ZNF727: variants seen among roughly 807,000 people sequenced by gnomAD.
The protein encoded by ZNF727 is putative zinc finger protein 727.
Under a neutral mutation model 11.5 loss-of-function variants are expected in ZNF727, and 11 were observed. That is an observed-to-expected ratio of 0.95 (90% CI 0.60 to 1.58). The LOEUF is 1.58. ZNF727 is among the 40% of genes most tolerant of loss of function. ZNF727 has a pLI of 0.00. For missense variants in ZNF727, 533 were observed against 581.7 expected, an observed-to-expected ratio of 0.92 and a Z score of 0.86; for synonymous variants, 171 against 196.1, an observed-to-expected ratio of 0.87 and a Z score of 1.07.
rs1311847604 is a variant in ZNF727, at chr7:64,069,494, A to T, written c.131-20A>T. 1.3e-6 allele frequency: 2 copies of T among 1,528,730 alleles called. No individual in the cohort carries two copies. The highest frequency in any genetic ancestry group is 1.4e-5 in the African/African-American group (1 of 72,476). 94.7% of individuals were successfully genotyped at this position (1,528,730 alleles called of 1,614,324 possible). ...AGATTATCCTAGCAAGAGTCATGTT[A>T]TTTTTTTCTAATAAAACAGGTCTTG... is the stretch of plus-strand genomic sequence containing the variant. On this transcript the variant is annotated intron_variant, in intron 2 of 3. Coordinates refer to ENST00000456806, the MANE Select transcript of ZNF727 (RefSeq NM_001159522.3).
In ZNF727 at chr7:64,069,535, A is replaced by G. The variant is rs1248311219; in HGVS notation, c.152A>G (p.Asp51Gly). Residue 51 changes from aspartate to glycine, a missense_variant, in exon 3 of 4, where the codon GAC (aspartate) becomes GGC (glycine). Transcript: ENST00000456806. ...FSLGLAIFKP[D>G]LITYLEQRKE... Reference sequence around the variant, plus strand: ...ACAGGTCTTGCTATCTTTAAGCCAGACTTGATTACCTATCTGGAGCAAAGA... The same window carrying G: ...ACAGGTCTTGCTATCTTTAAGCCAGGCTTGATTACCTATCTGGAGCAAAGA... 8 of 1,558,850 alleles carry G rather than the reference A, an allele frequency of 5.1e-6. No homozygotes were observed. The highest frequency in any genetic ancestry group is 7.0e-6 in the Non-Finnish European group (8 of 1,150,630).
intron 1 of ZNF727, among the ~76,000 whole-genome samples, chr7:64,051,514 G>A (rs981728001): frequency 1.3e-5 from 2 of 152,092 alleles, no homozygotes; most frequent in African/African-American, 4.8e-5. Flanking sequence ...TACTCCAAAA[G>A]ATCAAGAGTA....
intron 1 of ZNF727, among the ~76,000 whole-genome samples, chr7:64,055,196 A>G (rs1584143002): frequency 6.6e-6 from 1 of 152,132 alleles, no homozygotes; most frequent in Non-Finnish European, 1.5e-5. Context: ...AGGTTCGCGG[A>G]TCACAAGGTC....
At chr7:64,052,505 G>C (rs1210723574) in intron 1 of ZNF727, among the ~76,000 whole-genome samples, 4 of 151,980 alleles carry the variant, frequency 2.6e-5, no homozygotes, top group South Asian at 2.1e-4. Context: ...ATGCAGGGGT[G>C]TGGCCCTCCT....
intron 1 of ZNF727, among the ~76,000 whole-genome samples, chr7:64,051,814 C>T (rs1789602371): frequency 6.6e-6 from 1 of 152,082 alleles, no homozygotes; most frequent in Non-Finnish European, 1.5e-5. Flanking sequence ...AGAATTTAGC[C>T]AGGCAAAACA....
chr7:64,067,550 T>G (rs1242514022), intron 1 of ZNF727, among the ~76,000 whole-genome samples: 1 of 152,134 alleles, frequency 6.6e-6, no homozygotes, highest in Non-Finnish European at 1.5e-5. Flanking sequence ...TGGAATACTA[T>G]GCAGCCATAA....
intron 1 of ZNF727, among the ~76,000 whole-genome samples, chr7:64,049,262 C>T (rs898040482): frequency 3.3e-5 from 5 of 151,784 alleles, no homozygotes; most frequent in African/African-American, 1.2e-4. Flanking sequence ...TTTCTTTATT[C>T]TCTTTCTCCA....
At chr7:64,075,535 C>G (rs1180238171) in intron 3 of ZNF727, among the ~76,000 whole-genome samples, 5 of 151,888 alleles carry the variant, frequency 3.3e-5, no homozygotes, top group Non-Finnish European at 7.4e-5. Context: ...GGTGCCTATA[C>G]ACTATGAAAT....
chr7:64,048,410 A>G (rs781239837), intron 1 of ZNF727, among the ~76,000 whole-genome samples: 5 of 152,196 alleles, frequency 3.3e-5, no homozygotes, highest in South Asian at 2.1e-4. Context: ...TGTCTGTCTC[A>G]TGATGGTTGC....
In ZNF727 at chr7:64,085,060, A is replaced by G. The variant is rs1405703205; in HGVS notation, c.*6511A>G. ...TTTGTCTGTTTTCTTGTTGTTCACC[A>G]TAGGCATAATATATCATTTTCTTGT... is the stretch of plus-strand genomic sequence containing the variant. On this transcript the variant is annotated 3_prime_UTR_variant, in exon 4 of 4. Transcript: ENST00000456806. 6.6e-6 allele frequency among the ~76,000 whole-genome samples: 1 copy of G among 152,158 alleles called. No homozygotes were observed. Among genetic ancestry groups the G allele is most frequent in the Non-Finnish European group, 1.5e-5 (1 of 68,006 alleles).
rs1318748519 is a variant in ZNF727 at position 64,081,036 on chromosome 7, C to T, written c.*2487C>T. Among the ~76,000 whole-genome samples, 2 of 151,782 alleles carry T rather than the reference C, an allele frequency of 1.3e-5. No individual in the cohort carries two copies. Among genetic ancestry groups the T allele is most frequent in the Non-Finnish European group, 2.9e-5 (2 of 67,966 alleles). ...TGAGCCCCAACTGTGTTCTGTGGCT[C>T]CTTGTGATTTGGAGTCTGCCACTCT... On this transcript the variant is annotated 3_prime_UTR_variant, in exon 4 of 4. Transcript: ENST00000456806.
At chr7:64,051,605 C>T (rs1218733503) in intron 1 of ZNF727, among the ~76,000 whole-genome samples, 2 of 152,100 alleles carry the variant, frequency 1.3e-5, no homozygotes, top group African/African-American at 4.8e-5. Flanking sequence ...GAGATATTCA[C>T]TGAAATAAAA....
chr7:64,079,053 A>G lies in ZNF727; in HGVS notation c.*504A>G, dbSNP rs1244315779. On this transcript the variant is annotated 3_prime_UTR_variant, in exon 4 of 4. Transcript: ENST00000456806. ...ATCCTTATTAACCACAAGAGAATTC[A>G]TATGGAAGAGGGACCTTACAAATGC... Among the ~76,000 whole-genome samples, 1 of 152,182 alleles carries G rather than the reference A, an allele frequency of 6.6e-6. No individual in the cohort carries two copies.
chr7:64,074,035 T>G (rs1790004065), intron 3 of ZNF727, among the ~76,000 whole-genome samples: 1 of 152,280 alleles, frequency 6.6e-6, no homozygotes, highest in African/African-American at 2.4e-5. Flanking sequence ...TGTGCTTTAC[T>G]TAGCCTAATT....
Position 64,079,789 on chromosome 7 carries a change from G to A in ZNF727, c.*1240G>A, listed in dbSNP as rs1444719857. On this transcript the variant is annotated 3_prime_UTR_variant, in exon 4 of 4. Transcript: ENST00000456806. The stretch of plus-strand genomic sequence containing the variant: ...GTGTACTTTAGTGTGTTTTTGTAGT[G>A]ACTGTTTATAGTCTTTTTCTTATTT... Among the ~76,000 whole-genome samples, 1 of 152,144 alleles carries A rather than the reference G, an allele frequency of 6.6e-6. No individual in the cohort carries two copies. Among genetic ancestry groups the A allele is most frequent in the African/African-American group, 2.4e-5 (1 of 41,434 alleles).
intron 1 of ZNF727, among the ~76,000 whole-genome samples, chr7:64,051,949 G>T (rs1332201478): frequency 6.6e-6 from 1 of 152,164 alleles, no homozygotes; most frequent in Non-Finnish European, 1.5e-5. Flanking sequence ...GTCATCTGAA[G>T]TCATGTCGGT....
intron 1 of ZNF727, among the ~76,000 whole-genome samples, chr7:64,054,389 A>G (rs1789650397): frequency 1.3e-5 from 2 of 152,298 alleles, no homozygotes; most frequent in Admixed American, 6.5e-5. Context: ...ACGATATGCT[A>G]TGACCAAGGC....
At position 64,053,808 on chromosome 7, in the gene ZNF727, T is replaced by A. The variant is rs141418846; in HGVS notation, c.3+8184T>A. 8.5e-5 allele frequency among the ~76,000 whole-genome samples: 13 copies of A among 152,318 alleles called. No homozygotes were observed. The East Asian group carries it at 2.3e-3, about 27-fold the overall frequency. ...TGTAAATTGCCCAGTCTCAGGTATG[T>A]CTTTACCCGCAGCATGAAAACACAC... On this transcript the variant is annotated intron_variant, in intron 1 of 3. Transcript: ENST00000456806.
chr7:64,078,023 C>T lies in ZNF727; in HGVS notation c.974C>T (p.Ser325Leu), dbSNP rs761738200. The change falls in exon 4 of 4, where the codon TCG becomes TTG. Residue 325 changes from serine to leucine, a missense_variant. Coordinates refer to ENST00000456806, the MANE Select transcript of ZNF727 (RefSeq NM_001159522.3). The part of the protein sequence containing the change: ...NECGKAFMWI[S>L]ALSQHNRIHT... ...TGTGGAAAAGCTTTTATGTGGATCT[C>T]GGCCCTTAGTCAACATAACAGAATT... 1.7e-5 allele frequency: 28 copies of T among 1,607,066 alleles called. No individual in the cohort carries two copies. Among genetic ancestry groups the T allele is most frequent in the Admixed American group, 5.1e-5 (3 of 58,782 alleles).
Sources: gnomAD v4.1 joint callset for allele counts (sites outside exome capture counted in the v4.1 genomes callset) on GRCh38, gnomAD v4.1.1 for gene constraint, MANE v1.5 for transcripts, NCBI Gene and HGNC (gene_info 2026-07-23, HGNC 2026-07-21) for gene names.